The following PISD variants were observed in gnomAD, a reference collection of about 807,000 sequenced individuals.
PISD encodes the protein phosphatidylserine decarboxylase proenzyme, mitochondrial.
PISD carries 31 observed loss-of-function variants against 43.5 expected under a neutral mutation model. The ratio of observed to expected loss-of-function variants is 0.71; its 90% CI spans 0.54 to 0.96. The LOEUF is 0.96. Ranked by LOEUF, PISD falls within the 40% of genes least tolerant of loss-of-function variation. The pLI is 0.00. For missense variants in PISD, 523 were observed against 548.4 expected, an observed-to-expected ratio of 0.95 and a Z score of 0.46; for synonymous variants, 259 against 228.7, an observed-to-expected ratio of 1.13 and a Z score of -1.20.
At chr22:31,625,241 G>C (rs1471375531) in intron 3 of PISD, among the ~76,000 whole-genome samples, 2 of 152,160 alleles carry the variant, frequency 1.3e-5, no homozygotes, top group East Asian at 3.8e-4. Flanking sequence ...CGCAGCTCCC[G>C]GGTGCCTACT....
chr22:31,659,647 A>G (rs1443745393), intron 1 of PISD, among the ~76,000 whole-genome samples: 2 of 151,888 alleles, frequency 1.3e-5, no homozygotes, highest in Non-Finnish European at 1.5e-5. Flanking sequence ...GCTGGAGTCC[A>G]GTGGCGTGAT....
chr22:31,624,935 G>C (rs1158986594), intron 3 of PISD, among the ~76,000 whole-genome samples: 2 of 152,108 alleles, frequency 1.3e-5, no homozygotes, highest in Non-Finnish European at 2.9e-5. Flanking sequence ...ACCCCACCCT[G>C]TCTGTGCCTA....
At position 31,625,851 on chromosome 22, in the gene PISD, G is replaced by C. The variant is rs747470390; in HGVS notation, c.322-3966C>G. ...AGGGAGGGCGGGGCGAGGCTCACTC[G>C]ATCACTCCCTTTGTTTTCCTCTTTC... On this transcript the variant is annotated intron_variant, in intron 3 of 7. Transcript: ENST00000439502. 5.3e-5 allele frequency: 83 copies of C among 1,577,038 alleles called. 1 individual carries two copies. The highest frequency in any genetic ancestry group is 4.8e-4 in the Admixed American group (26 of 54,628).
chr22:31,646,735 A>C (rs2073897837), intron 3 of PISD, among the ~76,000 whole-genome samples: 1 of 152,082 alleles, frequency 6.6e-6, no homozygotes, highest in Non-Finnish European at 1.5e-5. Flanking sequence ...CTAATCTACT[A>C]ATCTAATGGA....
chr22:31,639,079 C>T (rs1287959810), intron 3 of PISD, among the ~76,000 whole-genome samples: 1 of 150,600 alleles, frequency 6.6e-6, no homozygotes, highest in Non-Finnish European at 1.5e-5. Context: ...CTGCAACCTC[C>T]GCCTCCCAGG....
rs181525223 is a variant in PISD, at chr22:31,621,597, G to A, written c.558+52C>T. 1.9e-5 allele frequency: 31 copies of A among 1,598,028 alleles called. No individual in the cohort carries two copies. The East Asian group carries it at 6.5e-4, about 33-fold the overall frequency. The stretch of plus-strand genomic sequence containing the variant: ...GCTGGAGACCAGGGGGGCTGTGCTG[G>A]GGAGGCAGGAAAAAGTCCTGTTTCC... On this transcript the variant is annotated intron_variant, in intron 4 of 7. Coordinates refer to ENST00000439502, the MANE Select transcript of PISD (RefSeq NM_001326411.2).
chr22:31,634,859 A>AT (rs1299052655), intron 3 of PISD, among the ~76,000 whole-genome samples: 1 of 141,538 alleles, frequency 7.1e-6, no homozygotes, highest in East Asian at 2.1e-4. Context: ...AAAAAAATAG[A>AT]AAAAGAAAAA....
chr22:31,621,651 C>G lies in PISD; in HGVS notation c.556G>C (p.Val186Leu), dbSNP rs201154270. Residue 186 changes from valine to leucine, a missense_variant and splice_region_variant, in exon 4 of 8, where the codon GTG (valine) becomes CTG (leucine). Physicochemically the swap from Val to Leu is conservative, Grantham distance 32. Transcript: ENST00000439502. ...AGGAGGAAAGGGTCAGGCCTCACCA[C>G]GCTGTGCAGGCCACAGACAGGCCGG... ...QARPVCGLHS[V>L]ISPSDGRILN... is the part of the protein sequence containing the mutation. 1 of 1,612,068 alleles carries G rather than the reference C, an allele frequency of 6.2e-7. No homozygotes were observed. The highest frequency in any genetic ancestry group is 2.2e-5 in the East Asian group (1 of 44,870).
chr22:31,636,355 C>T (rs150881103), intron 3 of PISD, among the ~76,000 whole-genome samples: 1 of 152,284 alleles, frequency 6.6e-6, no homozygotes, highest in Non-Finnish European at 1.5e-5. Context: ...TACCTGCAAG[C>T]CCAGCTGAGT....
Position 31,648,283 on chromosome 22 carries a change from T to C in PISD, c.146-7A>G, listed in dbSNP as rs1569491405. ...GTGTGGATTTTTCTGGCATCTGTAA[T>C]AAAAAACAGGACAATTTCAAGCCTG... On this transcript the variant is annotated splice_polypyrimidine_tract_variant and splice_region_variant and intron_variant, in intron 2 of 7. Transcript: ENST00000439502. 1.9e-6 allele frequency: 3 copies of C among 1,596,836 alleles called. No individual in the cohort carries two copies. Among genetic ancestry groups the C allele is most frequent in the Non-Finnish European group, 2.6e-6 (3 of 1,172,494 alleles).
chr22:31,652,893 G>T (rs2074067407), intron 1 of PISD, among the ~76,000 whole-genome samples: 1 of 151,964 alleles, frequency 6.6e-6, no homozygotes, highest in African/African-American at 2.4e-5. Flanking sequence ...ACAAAAATTA[G>T]CCGGGCATGG....
At chr22:31,631,462 T>A (rs556717687) in intron 3 of PISD, among the ~76,000 whole-genome samples, 3 of 152,260 alleles carry the variant, frequency 2.0e-5, no homozygotes, top group African/African-American at 7.2e-5. Flanking sequence ...ACTCCAAAAC[T>A]GATGTAGACC....
At chr22:31,628,059 A>G in intron 3 of PISD, 3 of 985,502 alleles carry the variant, frequency 3.0e-6, no homozygotes, top group Non-Finnish European at 3.6e-6. Flanking sequence ...CCTTGTCTTT[A>G]TCACTGTTCT....
chr22:31,650,776 A>G lies in PISD; in HGVS notation c.68T>C (p.Leu23Pro). Residue 23 changes from leucine (L) to proline (P), a missense_variant and splice_region_variant, in exon 2 of 8, where the codon CTC (leucine) becomes CCC (proline). Physicochemically the swap from Leu to Pro is moderately conservative, Grantham distance 98. Coordinates refer to ENST00000439502, the MANE Select transcript of PISD (RefSeq NM_001326411.2). The part of the protein sequence containing the change: ...LHGVAPWRSS[L>P]HPCEITALSQ... Reference sequence around the variant, plus strand: ...CAGGGCAGTGATCTCACAGGGATGGAGGCTATAACCAAGCAAAAATGAACC... The same window carrying G: ...CAGGGCAGTGATCTCACAGGGATGGGGGCTATAACCAAGCAAAAATGAACC... The G allele has an allele frequency of 3.2e-6, 5 of 1,542,758 alleles. No individual in the cohort carries two copies. Among genetic ancestry groups the G allele is most frequent in the Non-Finnish European group, 4.4e-6 (5 of 1,142,114 alleles).
chr22:31,625,823 C>G, intron 3 of PISD: 1 of 1,598,218 alleles, frequency 6.3e-7, no homozygotes, highest in African/African-American at 1.3e-5. Context: ...CATGGGCCGG[C>G]GCAGGGAGGG....
chr22:31,623,551 G>A (rs1247181685), intron 3 of PISD: 6 of 936,550 alleles, frequency 6.4e-6, no homozygotes, highest in Admixed American at 2.8e-5. Flanking sequence ...TGAACCTTCC[G>A]ACCCGGACCC....
chr22:31,637,204 T>TACACACAC (rs1556419909), intron 3 of PISD, among the ~76,000 whole-genome samples: 1 of 95,834 alleles, frequency 1.0e-5, no homozygotes, highest in African/African-American at 4.3e-5. Context: ...TATATATATA[T>TACACACAC]ATAGAAAAAT....
intron 3 of PISD, chr22:31,638,421 A>C: frequency 4.1e-6 from 4 of 982,786 alleles, no homozygotes; most frequent in Non-Finnish European, 4.8e-6. Flanking sequence ...GGGTCTGTGG[A>C]GGGGCGAGGA....
At chr22:31,662,022 T>C in intron 1 of PISD, 122 bp downstream of exon 1, 2 of 827,294 alleles carry the variant, frequency 2.4e-6, no homozygotes, top group Middle Eastern at 2.3e-4. Flanking sequence ...GAGGTGAAGG[T>C]GGCTCCGTCT....
Sources: gnomAD v4.1 joint callset for allele counts (sites outside exome capture counted in the v4.1 genomes callset) on GRCh38, gnomAD v4.1.1 for gene constraint, MANE v1.5 for transcripts, NCBI Gene and HGNC (gene_info 2026-07-23, HGNC 2026-07-21) for gene names.